Variants in PALM2AKAP2 observed in about 807,000 individuals in gnomAD.
PALM2AKAP2 encodes the protein PALM2 and AKAP2 fusion.
PALM2AKAP2 carries 37 observed loss-of-function variants against 71.5 expected under a neutral mutation model. That is an observed-to-expected ratio of 0.52 (90% CI 0.40 to 0.68). PALM2AKAP2 has a LOEUF of 0.68. Ranked by LOEUF, PALM2AKAP2 falls within the 30% of genes least tolerant of loss-of-function variation. PALM2AKAP2 has a pLI of 0.00. For synonymous variants in PALM2AKAP2, 468 were observed against 478.8 expected (o/e 0.98, Z 0.29); for missense variants, 1,224 against 1,191.8 (o/e 1.03, Z -0.40).
At position 110,116,343 on chromosome 9, in the gene PALM2AKAP2, AT is replaced by A. The variant is rs148185086; in HGVS notation, c.157-19781del. 5.6e-3 allele frequency among the ~76,000 whole-genome samples: 845 copies of A among 152,228 alleles called. 14 individuals are homozygous for A. Among genetic ancestry groups the A allele is most frequent in the African/African-American group, 0.019 (784 of 41,540 alleles). On this transcript the variant is annotated intron_variant, in intron 1 of 3. Coordinates refer to ENST00000374525, the Ensembl canonical transcript of PALM2AKAP2. ...TACTAAAAGAAAAAATGGGACTCAA[AT>A]TTAATGAGCCCGTGTGTGCGTGTGT...
At chr9:109,999,265 G>A (rs1832634419) in intron 6 of PALM2AKAP2, among the ~76,000 whole-genome samples, 1 of 151,996 alleles carries the variant, frequency 6.6e-6, no homozygotes, top group African/African-American at 2.4e-5. Flanking sequence ...CTTCAACCTT[G>A]GAGGTGGAGA....
chr9:110,085,466 T>C (rs1245635466), intron 1 of PALM2AKAP2, among the ~76,000 whole-genome samples: 2 of 148,034 alleles, frequency 1.4e-5, no homozygotes, highest in African/African-American at 4.9e-5. Context: ...GGTGGATTTC[T>C]TGATGTATGG....
chr9:109,989,315 G>T (rs1448100389), intron 6 of PALM2AKAP2, among the ~76,000 whole-genome samples: 1 of 152,192 alleles, frequency 6.6e-6, no homozygotes, highest in East Asian at 1.9e-4. Context: ...AAGGCAAGCA[G>T]CTGGGACTAT....
At chr9:109,718,390 T>C (rs1828359659) in intron 1 of PALM2AKAP2, among the ~76,000 whole-genome samples, 1 of 151,976 alleles carries the variant, frequency 6.6e-6, no homozygotes, top group South Asian at 2.1e-4. Flanking sequence ...TTTTCAATAT[T>C]TAAGTTAGGT....
At chr9:109,734,831 C>T (rs7863805) in intron 1 of PALM2AKAP2, among the ~76,000 whole-genome samples, 46,438 of 151,940 alleles carry the variant, frequency 0.31, 7,246 homozygotes, top group Middle Eastern at 0.4. Flanking sequence ...TTGCAGCACA[C>T]GGAAAGAGGG....
chr9:110,129,506 A>T (rs1054992492), intron 1 of PALM2AKAP2, among the ~76,000 whole-genome samples: 2 of 152,198 alleles, frequency 1.3e-5, no homozygotes, highest in African/African-American at 2.4e-5. Context: ...CTATTTCTCT[A>T]TACCTCTTAT....
intron 3 of PALM2AKAP2, among the ~76,000 whole-genome samples, chr9:109,895,835 G>T (rs1830185897): frequency 6.6e-6 from 1 of 152,138 alleles, no homozygotes; most frequent in African/African-American, 2.4e-5. Context: ...AATCATGGCA[G>T]AAGGGGAAGC....
chr9:109,882,073 T>TG (rs1339648401), intron 3 of PALM2AKAP2, among the ~76,000 whole-genome samples: 2 of 151,874 alleles, frequency 1.3e-5, no homozygotes, highest in African/African-American at 4.8e-5. Context: ...TTAGTAGAGA[T>TG]GGGGTTTCAC....
intron 2 of PALM2AKAP2, among the ~76,000 whole-genome samples, chr9:109,879,030 C>T (rs1829782065): frequency 6.6e-6 from 1 of 152,180 alleles, no homozygotes; most frequent in Admixed American, 6.5e-5. Context: ...AGCCACCGTG[C>T]CCAGCCCAGT....
intron 1 of PALM2AKAP2, among the ~76,000 whole-genome samples, chr9:109,688,606 T>C (rs1198256208): frequency 1.3e-5 from 2 of 152,250 alleles, no homozygotes; most frequent in African/African-American, 2.4e-5. Flanking sequence ...AGAACAGACA[T>C]TTAAGCCCCA....
At chr9:109,782,545 G>A (rs1475148749) in intron 1 of PALM2AKAP2, among the ~76,000 whole-genome samples, 1 of 152,108 alleles carries the variant, frequency 6.6e-6, no homozygotes, top group Non-Finnish European at 1.5e-5. Flanking sequence ...AGTGTATTAG[G>A]TATTATAAAT....
intron 7 of PALM2AKAP2, among the ~76,000 whole-genome samples, chr9:110,019,740 CTACA>C (rs1833039292): frequency 6.6e-6 from 1 of 152,076 alleles, no homozygotes; most frequent in Non-Finnish European, 1.5e-5. Context: ...GTGGGAACTA[CTACA>C]CATGGGCATA....
intron 3 of PALM2AKAP2, among the ~76,000 whole-genome samples, chr9:109,882,315 A>G (rs1390418346): frequency 6.6e-6 from 1 of 152,258 alleles, no homozygotes; most frequent in Non-Finnish European, 1.5e-5. Flanking sequence ...TCCCAAAGGC[A>G]TACGTCAGCC....
chr9:109,924,996 T>C (rs1017928543), intron 4 of PALM2AKAP2, 65 bp from the exon 5 acceptor site: 2 of 1,610,468 alleles, frequency 1.2e-6, no homozygotes, highest in Admixed American at 1.7e-5. Context: ...TCTTTAAAGA[T>C]GGGAAAAGAT....
chr9:109,753,648 C>T lies in PALM2AKAP2; in HGVS notation c.6-26840C>T, dbSNP rs184458240. On this transcript the variant is annotated intron_variant, in intron 1 of 6. Coordinates refer to the PALM2AKAP2 transcript ENST00000374531. ...GAACTGTTCAGATTCATTTTGGATG[C>T]TTTTCCATATATCATGGGGAATTTG... Among the ~76,000 whole-genome samples the T allele has an allele frequency of 3.2e-3, 486 of 152,232 alleles. 1 individual carries two copies. The highest frequency in any genetic ancestry group is 6.8e-3 in the Middle Eastern group (2 of 294).
At chr9:110,076,744 A>G (rs1479073559) in intron 1 of PALM2AKAP2, among the ~76,000 whole-genome samples, 1 of 152,068 alleles carries the variant, frequency 6.6e-6, no homozygotes, top group African/African-American at 2.4e-5. Context: ...TTAGATGCAT[A>G]TGGAAGACCA....
intron 1 of PALM2AKAP2, among the ~76,000 whole-genome samples, chr9:109,849,166 T>C (rs1828941311): frequency 6.6e-6 from 1 of 152,094 alleles, no homozygotes; most frequent in African/African-American, 2.4e-5. Flanking sequence ...TCCTAAAAAC[T>C]GTAATGCCCA....
At chr9:109,640,938 C>A in intron 1 of PALM2AKAP2, 1 of 1,458,414 alleles carries the variant, frequency 6.9e-7, no homozygotes, top group South Asian at 1.4e-5. Flanking sequence ...CGGCGGCAGG[C>A]AGATCCCGCT....
chr9:110,052,841 G>A (rs1833738888), intron 1 of PALM2AKAP2, among the ~76,000 whole-genome samples: 1 of 152,150 alleles, frequency 6.6e-6, no homozygotes, highest in South Asian at 2.1e-4. Context: ...TAATTTTATA[G>A]GATTATGGAA....
Sources: gnomAD v4.1 joint callset for allele counts (sites outside exome capture counted in the v4.1 genomes callset) on GRCh38, gnomAD v4.1.1 for gene constraint, MANE v1.5 for transcripts, NCBI Gene and HGNC (gene_info 2026-07-23, HGNC 2026-07-21) for gene names.